BDP1: variants seen among roughly 807,000 people sequenced by gnomAD.
The protein encoded by BDP1 is BDP1 general transcription factor IIIB subunit.
Under a neutral mutation model 266.6 loss-of-function variants are expected in BDP1, and 169 were observed. The observed-to-expected ratio is 0.63, with a 90% CI of 0.56 to 0.72. The LOEUF is 0.72. Among genes scored for constraint, BDP1 ranks in the 30% least tolerant of loss-of-function variants. The pLI is 0.00. For synonymous variants in BDP1, 1,090 were observed against 1,022.4 expected, an observed-to-expected ratio of 1.07 and a Z score of -1.26; for missense variants, 3,015 against 3,053.8, an observed-to-expected ratio of 0.99 and a Z score of 0.30.
At chr5:71,500,717 T>C (rs1387647010) in intron 13 of BDP1, among the ~76,000 whole-genome samples, 1 of 152,084 alleles carries the variant, frequency 6.6e-6, no homozygotes, top group Admixed American at 6.6e-5. Context: ...AACTGAATCA[T>C]GGTTTCAATA....
At chr5:71,561,614 G>A (rs1223711454) in intron 37 of BDP1, among the ~76,000 whole-genome samples, 1 of 152,194 alleles carries the variant, frequency 6.6e-6, no homozygotes. Flanking sequence ...GATGAACATA[G>A]CTGTGTTCCA....
At chr5:71,546,448 A>G (rs2150574997) in intron 32 of BDP1, among the ~76,000 whole-genome samples, 1 of 151,830 alleles carries the variant, frequency 6.6e-6, no homozygotes, top group East Asian at 2.0e-4. Flanking sequence ...GTGAAACCCC[A>G]TCACTACAAA....
intron 4 of BDP1, 80 bp downstream of exon 4, chr5:71,464,197 G>T: frequency 1.1e-6 from 1 of 890,282 alleles, no homozygotes; most frequent in South Asian, 1.8e-5. Context: ...TGTTATAGTT[G>T]AATTACATTT....
chr5:71,494,681 T>C (rs1342808186), intron 11 of BDP1: 1 of 152,194 alleles, frequency 6.6e-6, no homozygotes, highest in East Asian at 1.9e-4. Context: ...TACGCATGTT[T>C]GATTTGTGAA....
intron 37 of BDP1, among the ~76,000 whole-genome samples, chr5:71,561,336 G>A (rs748120313): frequency 1.3e-4 from 20 of 152,122 alleles, no homozygotes; most frequent in Non-Finnish European, 2.2e-4. Context: ...AGGAGGCGGA[G>A]GGTGCGGTGA....
chr5:71,479,954 T>A (rs967497529), intron 7 of BDP1, among the ~76,000 whole-genome samples: 1 of 151,936 alleles, frequency 6.6e-6, no homozygotes, highest in Non-Finnish European at 1.5e-5. Context: ...TTTTTGTTTG[T>A]TTTTGTTTGA....
chr5:71,476,535 T>G (rs1762596053), intron 7 of BDP1, among the ~76,000 whole-genome samples: 1 of 105,044 alleles, frequency 9.5e-6, no homozygotes. Context: ...ATGGCCAGCT[T>G]TGACTTTTTT....
intron 7 of BDP1, among the ~76,000 whole-genome samples, chr5:71,478,913 A>T (rs1762761846): frequency 6.6e-6 from 1 of 152,036 alleles, no homozygotes; most frequent in Non-Finnish European, 1.5e-5. Flanking sequence ...GATAGTTTCT[A>T]TTGTCATAGC....
chr5:71,492,683 A>AGGTT (rs70992969), intron 11 of BDP1, among the ~76,000 whole-genome samples: 1 of 152,162 alleles, frequency 6.6e-6, no homozygotes, highest in Non-Finnish European at 1.5e-5. Flanking sequence ...CCCATTCCAT[A>AGGTT]GGTTGCCTTT....
chr5:71,481,391 G>GAAAAAA (rs58798987), intron 7 of BDP1, among the ~76,000 whole-genome samples: 20 of 63,844 alleles, frequency 3.1e-4, no homozygotes, highest in Non-Finnish European at 4.8e-4. Flanking sequence ...TCTCTACAAA[G>GAAAAAA]AAAAAAAAAA....
chr5:71,546,615 C>T (rs1171167060), intron 32 of BDP1, among the ~76,000 whole-genome samples: 4 of 37,916 alleles, frequency 1.1e-4, no homozygotes, highest in African/African-American at 4.3e-4. Context: ...AAGACTCTGT[C>T]TCAAAAAAAA....
intron 26 of BDP1, among the ~76,000 whole-genome samples, chr5:71,537,312 A>G (rs185055767): frequency 8.5e-5 from 13 of 152,270 alleles, no homozygotes; most frequent in Admixed American, 5.9e-4. Flanking sequence ...CCATAATTCA[A>G]TATCGCACAC....
intron 7 of BDP1, among the ~76,000 whole-genome samples, chr5:71,478,179 G>A (rs1762712184): frequency 6.6e-6 from 1 of 152,132 alleles, no homozygotes; most frequent in African/African-American, 2.4e-5. Context: ...GAACCCGGGA[G>A]GTGGAGGTTG....
intron 32 of BDP1, among the ~76,000 whole-genome samples, chr5:71,546,957 T>C (rs575845024): frequency 1.3e-5 from 2 of 152,224 alleles, no homozygotes; most frequent in East Asian, 3.9e-4. Context: ...GTGATTCTTG[T>C]GCCTCAGCCT....
intron 24 of BDP1, among the ~76,000 whole-genome samples, chr5:71,523,659 T>C (rs1024235540): frequency 5.9e-5 from 9 of 152,232 alleles, no homozygotes; most frequent in Admixed American, 1.3e-4. Flanking sequence ...TTTTCAGTTT[T>C]GTGTTTATTT....
intron 20 of BDP1, 30 bp from the exon 21 acceptor site, chr5:71,516,031 C>T: frequency 6.5e-7 from 1 of 1,532,046 alleles, no homozygotes. Context: ...CAGTCAAGCG[C>T]CCTGCCTTTC....
At chr5:71,509,334 A>G (rs953757667) in intron 16 of BDP1, 131 bp from the exon 17 acceptor site, 2 of 1,007,120 alleles carry the variant, frequency 2.0e-6, no homozygotes, top group Non-Finnish European at 1.4e-6. Context: ...TTACCCAGCG[A>G]TTCCTAGGCC....
chr5:71,465,382 C>T (rs1400887478), intron 4 of BDP1, among the ~76,000 whole-genome samples: 2 of 152,124 alleles, frequency 1.3e-5, no homozygotes, highest in East Asian at 3.9e-4. Flanking sequence ...CTGCCTCAGT[C>T]TCCTGAGTAG....
intron 11 of BDP1, among the ~76,000 whole-genome samples, chr5:71,493,336 C>G (rs977641012): frequency 8.5e-5 from 13 of 152,264 alleles, no homozygotes; most frequent in African/African-American, 2.9e-4. Flanking sequence ...CACAGCTCAC[C>G]ACAACCTTGA....
Sources: gnomAD v4.1 joint callset for allele counts (sites outside exome capture counted in the v4.1 genomes callset) on GRCh38, gnomAD v4.1.1 for gene constraint, MANE v1.5 for transcripts, NCBI Gene and HGNC (gene_info 2026-07-23, HGNC 2026-07-21) for gene names.